RPTOR: variants seen among roughly 807,000 people sequenced by gnomAD.
RPTOR encodes the protein regulatory-associated protein of mTOR.
In RPTOR, 21 loss-of-function variants were observed where a neutral mutation model predicts 169.9. The observed-to-expected ratio is 0.12, with a 90% CI of 0.09 to 0.18. The LOEUF (loss-of-function observed/expected upper bound fraction) is 0.18, where lower values mean the gene tolerates loss of function less well. Among genes scored for constraint, RPTOR ranks in the 10% least tolerant of loss-of-function variants. RPTOR has a pLI of 1.00. For synonymous variants in RPTOR, 732 were observed against 753.2 expected, an observed-to-expected ratio of 0.97 and a Z score of 0.46; for missense variants, 1,133 against 1,855.9, an observed-to-expected ratio of 0.61 and a Z score of 7.16.
At chr17:80,664,697 G>A (rs914517059) in intron 3 of RPTOR, among the ~76,000 whole-genome samples, 1 of 152,206 alleles carries the variant, frequency 6.6e-6, no homozygotes, top group Admixed American at 6.5e-5. Flanking sequence ...GACGAAGGGA[G>A]TCTGAGTCTC....
chr17:80,929,168 C>T (rs889809481), intron 24 of RPTOR, among the ~76,000 whole-genome samples: 1 of 152,158 alleles, frequency 6.6e-6, no homozygotes, highest in Non-Finnish European at 1.5e-5. Flanking sequence ...ACTATACAAC[C>T]ATTAAAATTC....
At chr17:80,871,491 C>T (rs1390467090) in intron 13 of RPTOR, among the ~76,000 whole-genome samples, 1 of 152,156 alleles carries the variant, frequency 6.6e-6, no homozygotes, top group East Asian at 1.9e-4. Flanking sequence ...GTGGCGCTGG[C>T]CTGGGTCCCT....
intron 5 of RPTOR, among the ~76,000 whole-genome samples, chr17:80,740,740 T>C (rs1208212581): frequency 6.6e-6 from 1 of 151,924 alleles, no homozygotes; most frequent in East Asian, 1.9e-4. Context: ...AAACTTTCAG[T>C]GAACTAAGAA....
intron 5 of RPTOR, among the ~76,000 whole-genome samples, chr17:80,735,447 A>G (rs1328473666): frequency 6.6e-6 from 1 of 152,236 alleles, no homozygotes; most frequent in African/African-American, 2.4e-5. Context: ...TTTTTTAACA[A>G]CTTTTATCTG....
chr17:80,649,429 TC>T (rs374016411), intron 3 of RPTOR, among the ~76,000 whole-genome samples: 62 of 152,150 alleles, frequency 4.1e-4, no homozygotes, highest in African/African-American at 1.4e-3. Flanking sequence ...CCCTCCCTCC[TC>T]CTGCCCAAAC....
At chr17:80,809,193 TTTTTA>T (rs2067248586) in intron 7 of RPTOR, among the ~76,000 whole-genome samples, 4 of 152,344 alleles carry the variant, frequency 2.6e-5, no homozygotes, top group East Asian at 1.9e-4. Context: ...TTCGGGGTTT[TTTTTA>T]TTTTATTTTT....
intron 1 of RPTOR, among the ~76,000 whole-genome samples, chr17:80,585,628 GCACGCTGCTACGTCGCT>G (rs1024642593): frequency 6.6e-6 from 1 of 152,234 alleles, no homozygotes; most frequent in African/African-American, 2.4e-5. Flanking sequence ...TCCTGAGTGT[GCACGCTGCTACGTCGCT>G]CAGGCTTATG....
In RPTOR at chr17:80,754,581, A is replaced by C. The variant is rs1354585777; in HGVS notation, c.830+396A>C. Among the ~76,000 whole-genome samples the C allele has an allele frequency of 2.0e-5, 3 of 152,186 alleles. No homozygotes were observed. The highest frequency in any genetic ancestry group is 4.4e-5 in the Non-Finnish European group (3 of 68,036). On this transcript the variant is annotated intron_variant, in intron 6 of 33. Transcript: ENST00000306801. This position sits in a 1 kb window ranked among gnomAD's most constrained non-coding sequence, Gnocchi z 4.2. ...TGCTTGAGTTGAAGCGTAATCTTTC[A>C]ATGTATTTTTAGCAATGAAAAAAGA...
intron 11 of RPTOR, among the ~76,000 whole-genome samples, chr17:80,851,321 A>G (rs540868657): frequency 1.3e-5 from 2 of 152,334 alleles, no homozygotes; most frequent in South Asian, 4.1e-4. Flanking sequence ...TAATTTCCAT[A>G]GATCGTGGGA....
intron 3 of RPTOR, among the ~76,000 whole-genome samples, chr17:80,699,635 A>G (rs1271570570): frequency 3.6e-5 from 4 of 111,034 alleles, no homozygotes; most frequent in African/African-American, 8.6e-5. Context: ...TGTGCACGGT[A>G]CCCTGGTGCA....
At chr17:80,745,491 C>T (rs1423973543) in intron 5 of RPTOR, among the ~76,000 whole-genome samples, 1 of 148,730 alleles carries the variant, frequency 6.7e-6, no homozygotes, top group Non-Finnish European at 1.5e-5. Flanking sequence ...ATTTGATATA[C>T]ATAATTCTAT....
chr17:80,952,441 C>G (rs1052041972), intron 28 of RPTOR, among the ~76,000 whole-genome samples: 3 of 152,178 alleles, frequency 2.0e-5, no homozygotes, highest in Admixed American at 6.5e-5. Flanking sequence ...GGCCCTCCGC[C>G]AGCTTCTGCT....
intron 1 of RPTOR, among the ~76,000 whole-genome samples, chr17:80,547,341 T>C (rs1568297255): frequency 6.6e-6 from 1 of 152,188 alleles, no homozygotes; most frequent in Admixed American, 6.5e-5. Flanking sequence ...GGGCAGTTTT[T>C]TTGTTGTTGT....
Position 80,684,280 on chromosome 17 carries a change from G to A in RPTOR, c.349-23561G>A, listed in dbSNP as rs140139537. Among the ~76,000 whole-genome samples the A allele has an allele frequency of 4.6e-5, 7 of 151,912 alleles. No homozygotes were observed. In the East Asian group the frequency reaches 1.3e-3, roughly 29 times the overall value. On this transcript the variant is annotated intron_variant, in intron 3 of 33. Transcript: ENST00000306801. ...GTATGTAAGTTATTAATGTGGTTCTGCAAGTCAAAACTGTATAAAGCTAGA... is the reference window on the plus strand; with the variant it reads ...GTATGTAAGTTATTAATGTGGTTCTACAAGTCAAAACTGTATAAAGCTAGA...
intron 3 of RPTOR, among the ~76,000 whole-genome samples, chr17:80,694,454 G>A (rs752462540): frequency 3.3e-5 from 5 of 152,252 alleles, no homozygotes; most frequent in Non-Finnish European, 5.9e-5. Flanking sequence ...TGGAGTGAGA[G>A]TGTCTTCCAT....
intron 9 of RPTOR, among the ~76,000 whole-genome samples, chr17:80,830,934 G>A (rs374210211): frequency 1.3e-5 from 2 of 151,980 alleles, no homozygotes; most frequent in South Asian, 2.1e-4. Flanking sequence ...TTGTAGAGAT[G>A]AGGTTTCACC....
At chr17:80,839,793 A>T (rs1009567875) in intron 10 of RPTOR, among the ~76,000 whole-genome samples, 11 of 152,248 alleles carry the variant, frequency 7.2e-5, no homozygotes, top group Admixed American at 2.0e-4. Context: ...ATCTGCTCTT[A>T]TATAAAATAA....
chr17:80,594,498 C>T (rs2065130795), intron 1 of RPTOR, among the ~76,000 whole-genome samples: 1 of 152,228 alleles, frequency 6.6e-6, no homozygotes, highest in Non-Finnish European at 1.5e-5. Context: ...GAATCTTATG[C>T]TTTCCACGAA....
chr17:80,892,590 T>C, intron 18 of RPTOR, 139 bp from the exon 19 acceptor site: 2 of 902,650 alleles, frequency 2.2e-6, no homozygotes, highest in Non-Finnish European at 3.4e-6. Context: ...CTCCCTGAGC[T>C]GTGCAGCCCC....
Sources: gnomAD v4.1 joint callset for allele counts (sites outside exome capture counted in the v4.1 genomes callset) on GRCh38, gnomAD v4.1.1 for gene constraint, Gnocchi (gnomAD v3.1) non-coding constraint, MANE v1.5 for transcripts, NCBI Gene and HGNC (gene_info 2026-07-23, HGNC 2026-07-21) for gene names.